The following NEIL2 variants were observed in gnomAD, a reference collection of about 807,000 sequenced individuals.
The protein encoded by NEIL2 is endonuclease 8-like 2.
In NEIL2, 23 loss-of-function variants were observed where a neutral mutation model predicts 22.2. The observed-to-expected ratio is 1.04, with a 90% CI of 0.75 to 1.47. The LOEUF (loss-of-function observed/expected upper bound fraction) is 1.47. NEIL2 is among the 40% of genes most tolerant of loss of function. NEIL2 has a pLI of 0.00. For synonymous variants in NEIL2, 229 were observed against 164.8 expected (o/e 1.39, Z -2.99); for missense variants, 583 against 404.7 (o/e 1.44, Z -3.78).
intron 3 of NEIL2, among the ~76,000 whole-genome samples, chr8:11,781,161 TGTA>T (rs2130512502): frequency 1.5e-5 from 2 of 133,498 alleles, no homozygotes; most frequent in South Asian, 4.8e-4. Flanking sequence ...TGTTTAGAAG[TGTA>T]GTCTTTATTT....
At chr8:11,778,705 A>G (rs1447123403) in intron 2 of NEIL2, among the ~76,000 whole-genome samples, 1 of 151,452 alleles carries the variant, frequency 6.6e-6, no homozygotes, top group African/African-American at 2.5e-5. Context: ...GAATCCCAAC[A>G]CTTTGGGAGG....
In NEIL2 at chr8:11,774,330, G is replaced by A. The variant is rs8191563; in HGVS notation, c.138+2745G>A. On this transcript the variant is annotated intron_variant, in intron 2 of 4. Coordinates refer to ENST00000284503, the MANE Select transcript of NEIL2 (RefSeq NM_145043.4). ...ACAGAGGTTGCAGTGAGCTGAGATCGCACCTGCGCTCCAGCCTCAGCAACA... is the reference window on the plus strand; with the variant it reads ...ACAGAGGTTGCAGTGAGCTGAGATCACACCTGCGCTCCAGCCTCAGCAACA... Among the ~76,000 whole-genome samples the A allele has an allele frequency of 3.4e-4, 52 of 152,168 alleles. 1 individual carries two copies. In the East Asian group the frequency reaches 6.9e-3, roughly 20 times the overall value.
At position 11,769,805 on chromosome 8, in the gene NEIL2, C is replaced by G; in HGVS notation, c.-533C>G. 1 of 152,460 alleles carries G rather than the reference C, an allele frequency of 6.6e-6. No individual in the cohort carries two copies. The highest frequency in any genetic ancestry group is 2.1e-4 in the South Asian group (1 of 4,836). The allele number at this position is 152,460 out of a possible 1,614,324, so 9.4% of individuals were successfully genotyped here. Reference sequence around the variant, plus strand: ...CACCCGGAGCCGGTGAGTGCAGCCGCCCGCCCTCCGGTAGATCTGCGGCCT... The same window carrying G: ...CACCCGGAGCCGGTGAGTGCAGCCGGCCGCCCTCCGGTAGATCTGCGGCCT... On this transcript the variant is annotated 5_prime_UTR_variant, in exon 1 of 5. Transcript: ENST00000284503.
At position 11,771,576 on chromosome 8, in the gene NEIL2, G is replaced by C. The variant is rs772916971; in HGVS notation, c.129G>C (p.Gln43His). 8.7e-6 allele frequency: 14 copies of C among 1,613,764 alleles called. No individual in the cohort carries two copies. The Admixed American group carries it at 2.2e-4, about 25-fold the overall frequency. ...QPASLQSLWL[Q>H]DTQVHGKKLF... ...CCAGCCTGCAGTCTCTGTGGCTCCA[G>C]GACACCCAGGTGAGGTAATACTCCT... is the stretch of plus-strand genomic sequence containing the variant. The change falls in exon 2 of 5, where the codon CAG becomes CAC. Residue 43 changes from glutamine (Q) to histidine (H), a missense_variant. Transcript: ENST00000284503.
At chr8:11,770,436 C>A (rs1383321409) in intron 1 of NEIL2, 101 bp downstream of exon 1, 1 of 152,142 alleles carries the variant, frequency 6.6e-6, no homozygotes, top group Non-Finnish European at 1.5e-5. Context: ...TACATCTCAG[C>A]GAATCGGCAC....
chr8:11,786,642 T>TC lies in NEIL2; in HGVS notation c.*369_*370insC. Reference sequence around the variant, plus strand: ...AGATGATGTGGGTTTTTTTTTTTTTTTTGGTTGTTTGTTTTGAGAGAGAGT... The same window carrying TC: ...AGATGATGTGGGTTTTTTTTTTTTTTCTTGGTTGTTTGTTTTGAGAGAGAGT... On this transcript the variant is annotated 3_prime_UTR_variant, in exon 5 of 5. Transcript: ENST00000284503. 3.3e-6 allele frequency: 1 copy of TC among 298,604 alleles called. No individual in the cohort carries two copies. Among genetic ancestry groups the TC allele is most frequent in the Non-Finnish European group, 6.4e-6 (1 of 156,162 alleles). The allele number at this position is 298,604 out of a possible 1,614,324, so 18.5% of individuals were successfully genotyped here. A position where few individuals can be genotyped will look rare whatever the true frequency, so the allele number is the denominator to read the frequency against.
At chr8:11,785,942 C>A in intron 4 of NEIL2, 21 bp from the exon 5 acceptor site, 1 of 1,611,292 alleles carries the variant, frequency 6.2e-7, no homozygotes, top group Non-Finnish European at 8.5e-7. Flanking sequence ...CCTTCCCTTA[C>A]CTTCCCCCGC....
At chr8:11,778,453 A>G (rs996992561) in intron 2 of NEIL2, among the ~76,000 whole-genome samples, 1 of 152,222 alleles carries the variant, frequency 6.6e-6, no homozygotes, top group African/African-American at 2.4e-5. Flanking sequence ...ACTAATTAAC[A>G]AGTTAAAGAT....
rs1803267358 is a variant in NEIL2 at position 11,769,820 on chromosome 8, A to T, written c.-518A>T. The T allele has an allele frequency of 6.6e-6, 1 of 152,278 alleles. No homozygotes were observed. Among genetic ancestry groups the T allele is most frequent in the South Asian group, 2.1e-4 (1 of 4,826 alleles). The allele number at this position is 152,278 out of a possible 1,614,324, so 9.4% of individuals were successfully genotyped here. Reference sequence around the variant, plus strand: ...AGTGCAGCCGCCCGCCCTCCGGTAGATCTGCGGCCTGGCGGAGAAGTCGGG... The same window carrying T: ...AGTGCAGCCGCCCGCCCTCCGGTAGTTCTGCGGCCTGGCGGAGAAGTCGGG... On this transcript the variant is annotated 5_prime_UTR_variant, in exon 1 of 5. Coordinates refer to ENST00000284503, the MANE Select transcript of NEIL2 (RefSeq NM_145043.4).
At chr8:11,782,947 G>A (rs896493396) in intron 3 of NEIL2, 6 of 558,836 alleles carry the variant, frequency 1.1e-5, no homozygotes, top group Non-Finnish European at 2.0e-5. Context: ...CAGCCACAGA[G>A]TGTCCTCTGA....
At chr8:11,776,886 G>C (rs745888008) in intron 2 of NEIL2, among the ~76,000 whole-genome samples, 1 of 152,102 alleles carries the variant, frequency 6.6e-6, no homozygotes, top group Non-Finnish European at 1.5e-5. Flanking sequence ...TCCTCCTCTT[G>C]GTCCTGAGAG....
chr8:11,770,005 C>G lies in NEIL2; in HGVS notation c.-333C>G, dbSNP rs1803289790. 6.6e-6 allele frequency: 1 copy of G among 152,216 alleles called. No individual in the cohort carries two copies. Among genetic ancestry groups the G allele is most frequent in the South Asian group, 2.1e-4 (1 of 4,828 alleles). 9.4% of individuals were successfully genotyped at this position (152,216 alleles called of 1,614,324 possible). A position where few individuals can be genotyped will look rare whatever the true frequency, so the allele number is the denominator to read the frequency against. ...GTTGGGAAAGCAGTGGTCTTAGACCCCCCACCTCGGGCACTCGGAAGAGAA... is the reference window on the plus strand; with the variant it reads ...GTTGGGAAAGCAGTGGTCTTAGACCGCCCACCTCGGGCACTCGGAAGAGAA... On this transcript the variant is annotated 5_prime_UTR_variant, in exon 1 of 5. Coordinates refer to ENST00000284503, the MANE Select transcript of NEIL2 (RefSeq NM_145043.4).
At chr8:11,771,296 C>A in intron 1 of NEIL2, 150 bp from the exon 2 acceptor site, 1 of 923,244 alleles carries the variant, frequency 1.1e-6, no homozygotes, top group South Asian at 1.4e-5. Flanking sequence ...GATCTGACCG[C>A]CTCCCAGCCA....
chr8:11,781,315 T>C (rs1804402377), intron 3 of NEIL2, among the ~76,000 whole-genome samples: 1 of 152,222 alleles, frequency 6.6e-6, no homozygotes, highest in South Asian at 2.1e-4. Context: ...TCCAAGGTTC[T>C]GGCTTCCTGT....
At chr8:11,780,174 G>C (rs1315882147) in intron 3 of NEIL2, among the ~76,000 whole-genome samples, 1 of 152,084 alleles carries the variant, frequency 6.6e-6, no homozygotes, top group East Asian at 1.9e-4. Flanking sequence ...GCTGGGAGAA[G>C]GGGAGAATTT....
chr8:11,771,487 G>A lies in NEIL2; in HGVS notation c.40G>A (p.Val14Ile). The change falls in exon 2 of 5, where the codon GTC becomes ATC. Residue 14 changes from valine to isoleucine, a missense_variant. By Grantham distance (29) the Val-to-Ile change is conservative. Transcript: ENST00000284503. Reference sequence around the variant, plus strand: ...GTTGGTGAGGAAATTTCACCATTTGGTCTCCCCCTTTGTGGGTCAGCAGGT... The same window carrying A: ...GTTGGTGAGGAAATTTCACCATTTGATCTCCCCCTTTGTGGGTCAGCAGGT... The part of the protein sequence containing the change: ...GPLVRKFHHL[V>I]SPFVGQQVVK... The A allele has an allele frequency of 6.2e-7, 1 of 1,614,040 alleles. No homozygotes were observed. Among genetic ancestry groups the A allele is most frequent in the Non-Finnish European group, 8.5e-7 (1 of 1,180,030 alleles).
chr8:11,784,639 C>G (rs534582681), intron 4 of NEIL2, among the ~76,000 whole-genome samples: 1 of 152,286 alleles, frequency 6.6e-6, no homozygotes, highest in South Asian at 2.1e-4. Context: ...TTAAGGAGAT[C>G]ATTGTATAAT....
chr8:11,779,782 TC>T lies in NEIL2; in HGVS notation c.328del (p.Gln110ArgfsTer34). On this transcript the variant is annotated frameshift_variant, in exon 3 of 5. Transcript: ENST00000284503. LOFTEE classifies it high-confidence loss of function. ...LDGSSRSAEL[V>X]PQGEDDSEYL... is the part of the protein sequence containing the mutation. ...GGATCCTCACGGTCTGCAGAGCTCG[TC>T]CCCCAGGGCGAGGATGATTCTGAGT... 1 of 1,613,934 alleles carries T rather than the reference TC, an allele frequency of 6.2e-7. No individual in the cohort carries two copies. The highest frequency in any genetic ancestry group is 1.7e-5 in the Admixed American group (1 of 59,988).
intron 2 of NEIL2, among the ~76,000 whole-genome samples, chr8:11,773,461 A>C (rs1803645819): frequency 6.6e-6 from 1 of 152,126 alleles, no homozygotes; most frequent in Non-Finnish European, 1.5e-5. Context: ...GCTTGTATCG[A>C]CACAGGCCAC....
Sources: allele counts gnomAD v4.1 joint callset (sites outside exome capture counted in the v4.1 genomes callset), GRCh38; gene constraint gnomAD v4.1.1; transcripts MANE v1.5; gene names NCBI Gene and HGNC (gene_info 2026-07-23, HGNC 2026-07-21).